DIAPH2: variants seen among roughly 807,000 people sequenced by gnomAD.
DIAPH2 encodes protein diaphanous homolog 2.
Under a neutral mutation model 92.7 loss-of-function variants are expected in DIAPH2, and 35 were observed. That is an observed-to-expected ratio of 0.38 (90% CI 0.29 to 0.50). The LOEUF (loss-of-function observed/expected upper bound fraction) is 0.50, where lower values mean the gene tolerates loss of function less well. Among genes scored for constraint, DIAPH2 ranks in the 20% least tolerant of loss-of-function variants. DIAPH2 has a pLI of 0.94. For missense variants in DIAPH2, 701 were observed against 819.5 expected (o/e 0.86, Z 1.77); for synonymous variants, 301 against 280.4 (o/e 1.07, Z -0.73).
At chrX:97,449,750 G>A (rs1189113446) in intron 26 of DIAPH2, 3 of 571,424 alleles carry the variant, frequency 5.3e-6, no homozygotes, top group Non-Finnish European at 6.3e-6. Context: ...GGAACCAGTG[G>A]CTGAATGAGT....
intron 1 of DIAPH2, among the ~76,000 whole-genome samples, chrX:96,695,266 C>T (rs1219207918): frequency 8.9e-6 from 1 of 112,383 alleles, no homozygotes; most frequent in African/African-American, 3.2e-5. Context: ...GGTCTTTAAA[C>T]AAGCTGTTAC....
At chrX:97,231,639 C>A (rs1450073943) in intron 22 of DIAPH2, among the ~76,000 whole-genome samples, 1 of 111,388 alleles carries the variant, frequency 9.0e-6, no homozygotes, top group Non-Finnish European at 1.9e-5. Context: ...TTAATATTAT[C>A]TACTTTGAAA....
At chrX:97,303,118 A>G (rs776610229) in intron 23 of DIAPH2, among the ~76,000 whole-genome samples, 2 of 112,496 alleles carry the variant, frequency 1.8e-5, no homozygotes, top group Non-Finnish European at 3.8e-5. Flanking sequence ...ATGGATTTGC[A>G]TTTCTTTTAC....
chrX:97,311,842 G>A (rs755336439), intron 23 of DIAPH2, among the ~76,000 whole-genome samples: 1 of 109,823 alleles, frequency 9.1e-6, no homozygotes. Flanking sequence ...TTTTTTGGGT[G>A]GGGGAGGACA....
intron 5 of DIAPH2, among the ~76,000 whole-genome samples, chrX:96,897,248 T>C (rs902495042): frequency 1.8e-5 from 2 of 111,462 alleles, no homozygotes; most frequent in African/African-American, 6.5e-5. Flanking sequence ...TAGTGTTGAA[T>C]TCTGAGATTT....
At chrX:97,271,398 C>T (rs758641747) in intron 23 of DIAPH2, among the ~76,000 whole-genome samples, 1 of 112,157 alleles carries the variant, frequency 8.9e-6, no homozygotes, top group African/African-American at 3.2e-5. Flanking sequence ...TTGTGTGCCA[C>T]ATTAAATAGC....
intron 1 of DIAPH2, among the ~76,000 whole-genome samples, chrX:96,687,399 C>A (rs2063776562): frequency 9.0e-6 from 1 of 111,300 alleles, no homozygotes; most frequent in Non-Finnish European, 1.9e-5. Flanking sequence ...TCATTTAGTT[C>A]CTCAGAATTC....
At chrX:97,248,368 A>T (rs1417382393) in intron 23 of DIAPH2, among the ~76,000 whole-genome samples, 1 of 111,712 alleles carries the variant, frequency 9.0e-6, no homozygotes, top group Non-Finnish European at 1.9e-5. Flanking sequence ...AATAAATTGT[A>T]GTAGATATCT....
intron 26 of DIAPH2, among the ~76,000 whole-genome samples, chrX:97,561,033 A>G (rs2071290791): frequency 8.9e-6 from 1 of 111,737 alleles, no homozygotes; most frequent in African/African-American, 3.3e-5. Flanking sequence ...GGGAAGGGGG[A>G]GAGAACCTTT....
At chrX:97,046,401 C>T (rs900260756) in intron 17 of DIAPH2, among the ~76,000 whole-genome samples, 3 of 110,826 alleles carry the variant, frequency 2.7e-5, no homozygotes, top group Non-Finnish European at 5.7e-5. Context: ...TTGCTGGTGG[C>T]ATGATTATGG....
At chrX:97,553,917 TCAA>T (rs1267554990) in intron 26 of DIAPH2, among the ~76,000 whole-genome samples, 1 of 111,537 alleles carries the variant, frequency 9.0e-6, no homozygotes, top group Non-Finnish European at 1.9e-5. Context: ...TATACTAAAC[TCAA>T]CAATTTCTAG....
chrX:97,579,272 C>T (rs2071421178), intron 26 of DIAPH2, among the ~76,000 whole-genome samples: 1 of 110,303 alleles, frequency 9.1e-6, no homozygotes, highest in African/African-American at 3.3e-5. Context: ...ATGGTAATGC[C>T]TAGGTTTTCT....
At position 96,749,145 on chromosome X, in the gene DIAPH2, A is replaced by AAATAT. The variant is rs1252042191; in HGVS notation, c.343-9008_343-9007insATATA. ...CCCCATCAGAAAAAAAAAAAAAAAA[A>AAATAT]ATATATATATATATATATATATGTT... On this transcript the variant is annotated intron_variant, in intron 3 of 26. Transcript: ENST00000324765. Among the ~76,000 whole-genome samples the AAATAT allele has an allele frequency of 7.4e-4, 59 of 79,798 alleles. 1 individual carries two copies. The highest frequency in any genetic ancestry group is 3.0e-3 in the African/African-American group (58 of 19,511). 69.3% of individuals were successfully genotyped at this position (79,798 alleles called of 115,157 possible).
At chrX:96,784,394 T>C (rs1221352113) in intron 4 of DIAPH2, among the ~76,000 whole-genome samples, 2 of 112,165 alleles carry the variant, frequency 1.8e-5, no homozygotes, top group Non-Finnish European at 3.8e-5. Flanking sequence ...GTTATAGATA[T>C]ATGGAATTGG....
intron 26 of DIAPH2, among the ~76,000 whole-genome samples, chrX:97,501,649 GT>G (rs2070798782): frequency 9.0e-6 from 1 of 110,750 alleles, no homozygotes; most frequent in South Asian, 3.8e-4. Context: ...ACTGACTTCT[GT>G]TTATTTATAT....
chrX:97,446,203 A>G (rs1172181066), intron 26 of DIAPH2, among the ~76,000 whole-genome samples: 2 of 111,762 alleles, frequency 1.8e-5, no homozygotes, highest in Admixed American at 9.5e-5. Context: ...AAATGACTAC[A>G]TAATTATTTT....
intron 26 of DIAPH2, among the ~76,000 whole-genome samples, chrX:97,597,321 G>C (rs1685039473): frequency 8.9e-6 from 1 of 112,286 alleles, no homozygotes; most frequent in Non-Finnish European, 1.9e-5. Flanking sequence ...CTTTTCGTCA[G>C]TTTGTTTTGA....
intron 23 of DIAPH2, among the ~76,000 whole-genome samples, chrX:97,330,085 T>TTGTGTG (rs367920689): frequency 0.092 from 8,737 of 94,681 alleles, 348 homozygotes; most frequent in African/African-American, 0.11. Context: ...GATTTGGTGT[T>TTGTGTG]TGTGTGTGTG....
At chrX:97,262,728 G>A (rs1335911054) in intron 23 of DIAPH2, among the ~76,000 whole-genome samples, 1 of 111,659 alleles carries the variant, frequency 9.0e-6, no homozygotes, top group Non-Finnish European at 1.9e-5. Flanking sequence ...ACACATTAAA[G>A]ACAGAAATCT....
Sources: allele counts gnomAD v4.1 joint callset (sites outside exome capture counted in the v4.1 genomes callset), GRCh38; gene constraint gnomAD v4.1.1; transcripts MANE v1.5; gene names NCBI Gene and HGNC (gene_info 2026-07-23, HGNC 2026-07-21).